UBN1: variants seen among roughly 807,000 people sequenced by gnomAD.
UBN1 encodes the protein ubinuclein 1, also known as ubinuclein-1.
Under a neutral mutation model 108.5 loss-of-function variants are expected in UBN1, and 17 were observed. That is an observed-to-expected ratio of 0.16 (90% CI 0.11 to 0.24). UBN1 has a LOEUF of 0.24. Among genes scored for constraint, UBN1 ranks in the 10% least tolerant of loss-of-function variants. The pLI, the probability that UBN1 is intolerant of heterozygous loss-of-function variation, is 1.00. For synonymous variants in UBN1, 726 were observed against 564.2 expected (o/e 1.29, Z -4.07); for missense variants, 1,595 against 1,394.4 (o/e 1.14, Z -2.29).
intron 7 of UBN1, among the ~76,000 whole-genome samples, chr16:4,862,834 G>A (rs945682194): frequency 1.3e-5 from 2 of 152,232 alleles, no homozygotes; most frequent in Non-Finnish European, 2.9e-5. Context: ...CACCTTGTTA[G>A]GCAAGCTGCC....
intron 2 of UBN1, among the ~76,000 whole-genome samples, chr16:4,855,399 G>C (rs890374649): frequency 5.3e-5 from 8 of 151,992 alleles, no homozygotes; most frequent in Non-Finnish European, 1.0e-4. Context: ...AGGATCACTT[G>C]ACCACAGGAG....
At chr16:4,872,411 C>G in intron 12 of UBN1, 2 of 965,198 alleles carry the variant, frequency 2.1e-6, no homozygotes, top group Non-Finnish European at 2.4e-6. Context: ...GATCCTCTCA[C>G]CAGGAATTTG....
rs927998089 is a variant in UBN1 at position 4,877,775 on chromosome 16, G to T, written c.3355+301G>T. The T allele has an allele frequency of 5.3e-6, 6 of 1,127,846 alleles. No individual in the cohort carries two copies. Among genetic ancestry groups the T allele is most frequent in the Non-Finnish European group, 6.5e-6 (6 of 923,876 alleles). 69.9% of individuals were successfully genotyped at this position (1,127,846 alleles called of 1,614,324 possible). ...TGCGGTGGAGGAGTTCCTAACCCTC[G>T]GCTTGTTTTTTTCTCTTCAGTTTAA... On this transcript the variant is annotated intron_variant, in intron 17 of 17. Transcript: ENST00000262376. The surrounding 1 kb of genome is among the most constrained non-coding windows in gnomAD (Gnocchi z 4.3).
chr16:4,852,490 A>G (rs1231978345), intron 1 of UBN1: 1 of 156,058 alleles, frequency 6.4e-6, no homozygotes, highest in Non-Finnish European at 1.4e-5. Flanking sequence ...ATGATAGGAA[A>G]CTGCTGGTGA....
At chr16:4,873,130 T>A (rs1180946475) in intron 14 of UBN1, 57 bp downstream of exon 14, 1 of 1,607,986 alleles carries the variant, frequency 6.2e-7, no homozygotes, top group Non-Finnish European at 8.5e-7. Flanking sequence ...ACAACTATGC[T>A]CTGGAAACAG....
rs1256509273 is a variant in UBN1, at chr16:4,871,174, G to T, written c.1579G>T (p.Val527Leu). Reference protein sequence around the residue: ...DEIRELLCQVVKIKLESQDLE... With the variant: ...DEIRELLCQVLKIKLESQDLE... Reference sequence around the variant, plus strand: ...TCTCAGGGAGCTACTGTGCCAGGTGGTGAAGATCAAACTGGAGAGCCAGGA... The same window carrying T: ...TCTCAGGGAGCTACTGTGCCAGGTGTTGAAGATCAAACTGGAGAGCCAGGA... Residue 527 changes from valine to leucine, a missense_variant, in exon 12 of 18, where the codon GTG (valine) becomes TTG (leucine). By Grantham distance (32) the Val-to-Leu change is conservative (BLOSUM62 1). This residue lies in a region of UBN1 where 1,398 missense variants were observed against 1,194.7 expected (regional missense o/e 1.17). Transcript: ENST00000262376. 5 of 1,614,214 alleles carry T rather than the reference G, an allele frequency of 3.1e-6. No homozygotes were observed. Among genetic ancestry groups the T allele is most frequent in the Non-Finnish European group, 2.5e-6 (3 of 1,180,042 alleles).
rs768680018 is a variant in UBN1 at position 4,859,897 on chromosome 16, A to C, written c.600A>C (p.Ile200=). ...KRKLKEGGEK[I]KKKKKDDTYD... is the part of the protein sequence containing the mutation. ...AGTTGAAGGAAGGTGGTGAGAAGAT[A>C]AAGAAGAAGAAAAAAGATGACACTT... Residue 200 remains isoleucine, a synonymous_variant, in exon 6 of 18, where the codon ATA becomes ATC. Transcript: ENST00000262376. The C allele has an allele frequency of 6.2e-7, 1 of 1,614,154 alleles. No homozygotes were observed. Among genetic ancestry groups the C allele is most frequent in the Non-Finnish European group, 8.5e-7 (1 of 1,179,998 alleles).
At chr16:4,864,075 CTT>C (rs796516323) in intron 7 of UBN1, among the ~76,000 whole-genome samples, 207 of 86,438 alleles carry the variant, frequency 2.4e-3, no homozygotes, top group African/African-American at 7.9e-3. Context: ...TTGTTGTTGC[CTT>C]TTTTTTTTTT....
intron 1 of UBN1, chr16:4,852,259 AT>A (rs1170143117): frequency 6.6e-6 from 1 of 152,272 alleles, no homozygotes; most frequent in Non-Finnish European, 1.5e-5. Flanking sequence ...TATTTTGACC[AT>A]TCCCAAGTGA....
At chr16:4,869,524 G>C (rs1832413815) in intron 8 of UBN1, among the ~76,000 whole-genome samples, 1 of 152,342 alleles carries the variant, frequency 6.6e-6, no homozygotes, top group South Asian at 2.1e-4. Context: ...TTGTGGCAGG[G>C]GAAGCTTGTT....
At chr16:4,863,284 G>C (rs1390387117) in intron 7 of UBN1, among the ~76,000 whole-genome samples, 2 of 152,160 alleles carry the variant, frequency 1.3e-5, no homozygotes, top group Non-Finnish European at 2.9e-5. Flanking sequence ...CTACTCCGAA[G>C]GGTCCTCAGG....
rs1201433024 is a variant in UBN1, at chr16:4,860,982, A to T, written c.990A>T (p.Arg330=). Reference sequence around the variant, plus strand: ...AGTCTCCAGAAGGAAGTCCCTTCCGAGATATGGATGATGGAAGTGATTCCC... The same window carrying T: ...AGTCTCCAGAAGGAAGTCCCTTCCGTGATATGGATGATGGAAGTGATTCCC... ...LSESPEGSPF[R]DMDDGSDSLG... The change falls in exon 7 of 18, where the codon CGA becomes CGT. Residue 330 remains arginine (R), a synonymous_variant. Transcript: ENST00000262376. 1 of 1,614,198 alleles carries T rather than the reference A, an allele frequency of 6.2e-7. No homozygotes were observed. The highest frequency in any genetic ancestry group is 1.1e-5 in the South Asian group (1 of 91,080).
In UBN1 at chr16:4,874,875, C is replaced by T. The variant is rs1275205797; in HGVS notation, c.2465C>T (p.Pro822Leu). ...QQQKNFTPPSPFANKLQGPKA... is the reference protein window; with the variant it reads ...QQQKNFTPPSLFANKLQGPKA... Reference sequence around the variant, plus strand: ...CAGAAAAACTTCACGCCCCCATCTCCATTTGCCAATAAGCTCCAAGGCCCA... The same window carrying T: ...CAGAAAAACTTCACGCCCCCATCTCTATTTGCCAATAAGCTCCAAGGCCCA... The change falls in exon 15 of 18, where the codon CCA becomes CTA. Residue 822 changes from proline to leucine, a missense_variant. Physicochemically the swap from Pro to Leu is moderately conservative, Grantham distance 98. This residue lies in a region of UBN1 where 1,398 missense variants were observed against 1,194.7 expected (regional missense o/e 1.17). Transcript: ENST00000262376. 1.2e-6 allele frequency: 2 copies of T among 1,614,112 alleles called. No homozygotes were observed. The highest frequency in any genetic ancestry group is 1.6e-4 in the Middle Eastern group (1 of 6,062).
Position 4,847,643 on chromosome 16 carries a change from G to C in UBN1, c.-607G>C. 1 of 237,136 alleles carries C rather than the reference G, an allele frequency of 4.2e-6. No individual in the cohort carries two copies. Among genetic ancestry groups the C allele is most frequent in the Non-Finnish European group, 8.1e-6 (1 of 122,888 alleles). 14.7% of individuals were successfully genotyped at this position (237,136 alleles called of 1,614,324 possible). Reference sequence around the variant, plus strand: ...GCGCCCCTCCCCTCTCGGCGCTTCCGTTACGCCCGTTGGTCCGGCGCGGGC... The same window carrying C: ...GCGCCCCTCCCCTCTCGGCGCTTCCCTTACGCCCGTTGGTCCGGCGCGGGC... On this transcript the variant is annotated 5_prime_UTR_variant, in exon 1 of 18. Transcript: ENST00000262376.
At chr16:4,870,420 T>C (rs2087569609) in intron 9 of UBN1, 79 bp downstream of exon 9, 1 of 1,609,466 alleles carries the variant, frequency 6.2e-7, no homozygotes, top group Non-Finnish European at 8.5e-7. Flanking sequence ...ATGATGCGTC[T>C]GCTGCCCCAC....
rs1347948847 is a variant in UBN1 at position 4,859,861 on chromosome 16, T to G, written c.568-4T>G. ...TGTAACTGTGCCTTGTCTTTAATTC[T>G]CAGAAGCGGAAGTTGAAGGAAGGTG... On this transcript the variant is annotated splice_polypyrimidine_tract_variant and splice_region_variant and intron_variant, in intron 5 of 17. Transcript: ENST00000262376. 4.3e-6 allele frequency: 7 copies of G among 1,613,826 alleles called. No individual in the cohort carries two copies. In the Admixed American group the frequency reaches 1.0e-4, roughly 23 times the overall value.
chr16:4,849,688 T>C (rs1027689061), intron 1 of UBN1, among the ~76,000 whole-genome samples: 2 of 150,968 alleles, frequency 1.3e-5, no homozygotes, highest in African/African-American at 2.4e-5. Flanking sequence ...ACCTTCCCAG[T>C]CTAAAGCCAT....
chr16:4,851,664 G>C, intron 1 of UBN1, among the ~76,000 whole-genome samples: 1 of 151,930 alleles, frequency 6.6e-6, no homozygotes, highest in South Asian at 2.1e-4. Context: ...ACAAAAAATA[G>C]AAAAAATTAG....
At chr16:4,854,923 C>T (rs148467806) in intron 2 of UBN1, among the ~76,000 whole-genome samples, 2,588 of 151,836 alleles carry the variant, frequency 0.017, 91 homozygotes, top group African/African-American at 0.06. Flanking sequence ...AGGGTTCCAC[C>T]GTGTTAGCCA....
Sources: gnomAD v4.1 joint callset for allele counts (sites outside exome capture counted in the v4.1 genomes callset) on GRCh38, gnomAD v4.1.1 for gene constraint, gnomAD v4.1.1 regional missense constraint, Gnocchi (gnomAD v3.1) non-coding constraint, MANE v1.5 for transcripts, NCBI Gene and HGNC (gene_info 2026-07-23, HGNC 2026-07-21) for gene names.